Variants in PCLO observed in about 807,000 individuals in gnomAD.
PCLO encodes protein piccolo.
PCLO carries 82 observed loss-of-function variants against 427.5 expected under a neutral mutation model. The observed-to-expected ratio is 0.19, with a 90% CI of 0.16 to 0.23. The LOEUF (loss-of-function observed/expected upper bound fraction) is 0.23. PCLO is among the 10% of genes least tolerant of loss of function. The pLI is 1.00. For missense variants in PCLO, 6,239 were observed against 6,115.9 expected (o/e 1.02, Z -0.67); for synonymous variants, 2,357 against 2,155.4 (o/e 1.09, Z -2.59).
intron 3 of PCLO, among the ~76,000 whole-genome samples, chr7:83,054,727 T>C (rs1789336460): frequency 6.6e-6 from 1 of 152,012 alleles, no homozygotes; most frequent in East Asian, 1.9e-4. Context: ...ATGAGTACAA[T>C]TTTAATACAA....
chr7:82,846,453 T>G, intron 12 of PCLO, 114 bp downstream of exon 12: 1 of 655,196 alleles, frequency 1.5e-6, no homozygotes, highest in Non-Finnish European at 2.6e-6. Flanking sequence ...TAACTTTATA[T>G]TTGTCTATAT....
intron 17 of PCLO, 76 bp downstream of exon 17, chr7:82,827,797 C>T: frequency 3.7e-6 from 3 of 812,668 alleles, no homozygotes; most frequent in Non-Finnish European, 3.9e-6. Flanking sequence ...TATACAGATC[C>T]CAATTTTTGA....
intron 3 of PCLO, among the ~76,000 whole-genome samples, chr7:83,031,704 G>T (rs997358394): frequency 6.7e-6 from 1 of 148,976 alleles, no homozygotes; most frequent in Non-Finnish European, 1.5e-5. Context: ...ATTAAGAAAT[G>T]AGTCTTAATC....
At chr7:83,018,996 A>T (rs1270216851) in intron 3 of PCLO, among the ~76,000 whole-genome samples, 1 of 152,052 alleles carries the variant, frequency 6.6e-6, no homozygotes, top group Non-Finnish European at 1.5e-5. Flanking sequence ...ATAATGAAAG[A>T]TGCATACTGG....
chr7:82,950,667 C>T lies in PCLO; in HGVS notation c.9921G>A (p.Leu3307=), dbSNP rs949955138. 3.7e-6 allele frequency: 6 copies of T among 1,613,674 alleles called. No homozygotes were observed. In the African/African-American group the frequency reaches 8.0e-5, roughly 22 times the overall value. The stretch of plus-strand genomic sequence containing the variant: ...AGATCTGCCGAATCTTTTGCTCCTC[C>T]AGCTGCTGGTGAAGCTGTTGTTGCA... ...QQLQQQLHQQ[L]EEQKIRQIYQ... The change falls in exon 6 of 25, where the codon CTG becomes CTA. Residue 3307 remains leucine (L), a synonymous_variant. Coordinates refer to ENST00000333891, the MANE Select transcript of PCLO (RefSeq NM_033026.6).
chr7:82,908,781 A>C, intron 8 of PCLO, 96 bp downstream of exon 8: 1 of 1,061,064 alleles, frequency 9.4e-7, no homozygotes, highest in Non-Finnish European at 1.4e-6. Context: ...TTAATAAACA[A>C]ACATCTCATT....
intron 3 of PCLO, among the ~76,000 whole-genome samples, chr7:83,120,432 G>A (rs541068627): frequency 4.1e-4 from 60 of 144,786 alleles, no homozygotes; most frequent in Middle Eastern, 3.6e-3. Flanking sequence ...GTTTATTCAA[G>A]GAAATAATAG....
chr7:82,955,591 C>T lies in PCLO; in HGVS notation c.5362G>A (p.Glu1788Lys), dbSNP rs555072304. ...ELREEEELLK[E>K]QEKQREIEQQ... is the part of the protein sequence containing the mutation. ...TCTATTTCCCTCTGCTTTTCTTGCTCCTTTAATAATTCTTCTTCCTCTCTC... is the reference window on the plus strand; with the variant it reads ...TCTATTTCCCTCTGCTTTTCTTGCTTCTTTAATAATTCTTCTTCCTCTCTC... Residue 1788 changes from glutamate (E) to lysine (K), a missense_variant, in exon 5 of 25, where the codon GAG (glutamate) becomes AAG (lysine). This residue lies in a region of PCLO where 4,677 missense variants were observed against 4,468.4 expected (regional missense o/e 1.05). Coordinates refer to ENST00000333891, the MANE Select transcript of PCLO (RefSeq NM_033026.6). 3 of 1,613,916 alleles carry T rather than the reference C, an allele frequency of 1.9e-6. No individual in the cohort carries two copies. The African/African-American group carries it at 4.0e-5, about 22-fold the overall frequency.
chr7:82,765,559 G>C (rs1196895700), intron 22 of PCLO, among the ~76,000 whole-genome samples: 1 of 151,946 alleles, frequency 6.6e-6, no homozygotes, highest in Non-Finnish European at 1.5e-5. Context: ...AATGACATGT[G>C]TTCTCTTAAC....
Position 82,758,583 on chromosome 7 carries a change from T to G in PCLO, c.15421A>C (p.Thr5141Pro), listed in dbSNP as rs1195712788. The change falls in exon 25 of 25, where the codon ACG becomes CCG. Residue 5141 changes from threonine (T) to proline (P), a missense_variant. By Grantham distance (38) the Thr-to-Pro change is conservative. Coordinates refer to ENST00000333891, the MANE Select transcript of PCLO (RefSeq NM_033026.6). ...TGAGAAGACATGTTTCTTCAATGCG[T>G]TTGAGTAGGACTGACCAAAAGTTTG... ...WHKLLVSPTQ[T>P]H The G allele has an allele frequency of 6.2e-7, 1 of 1,607,482 alleles. No individual in the cohort carries two copies.
chr7:83,112,070 T>C (rs71522646), intron 3 of PCLO, among the ~76,000 whole-genome samples: 9,146 of 152,252 alleles, frequency 0.06, 300 homozygotes, highest in South Asian at 0.11. Flanking sequence ...GTTTGTTTTG[T>C]TTTTGAGACA....
intron 10 of PCLO, among the ~76,000 whole-genome samples, chr7:82,873,852 CT>C (rs1437789059): frequency 6.6e-6 from 1 of 151,978 alleles, no homozygotes; most frequent in African/African-American, 2.4e-5. Context: ...CAACCCTGTC[CT>C]CCCATCCCAG....
chr7:83,151,963 C>T (rs561980421), intron 2 of PCLO, among the ~76,000 whole-genome samples: 1 of 144,270 alleles, frequency 6.9e-6, no homozygotes, highest in East Asian at 2.0e-4. Flanking sequence ...TACAAACTTA[C>T]TTTTTTTTTT....
chr7:82,794,671 G>A (rs1455925826), intron 22 of PCLO, among the ~76,000 whole-genome samples: 1 of 150,794 alleles, frequency 6.6e-6, no homozygotes, highest in Non-Finnish European at 1.5e-5. Context: ...CGGGGTTTAT[G>A]CCATGTTGCC....
intron 10 of PCLO, among the ~76,000 whole-genome samples, chr7:82,865,699 AAATG>A (rs1698646875): frequency 7.4e-6 from 1 of 134,418 alleles, no homozygotes; most frequent in South Asian, 2.5e-4. Context: ...AATACCTAAT[AAATG>A]AATGAACATA....
intron 10 of PCLO, among the ~76,000 whole-genome samples, chr7:82,860,270 G>A (rs1184636134): frequency 1.3e-5 from 2 of 151,472 alleles, no homozygotes; most frequent in Non-Finnish European, 2.9e-5. Context: ...CTACCTAAAG[G>A]CATTTAATAA....
At chr7:82,776,973 T>C (rs1790768077) in intron 22 of PCLO, among the ~76,000 whole-genome samples, 1 of 152,064 alleles carries the variant, frequency 6.6e-6, no homozygotes, top group Admixed American at 6.6e-5. Flanking sequence ...TCTCCAGTTC[T>C]GTTAGTTGTG....
intron 3 of PCLO, among the ~76,000 whole-genome samples, chr7:83,118,116 A>T (rs549366993): frequency 6.6e-6 from 1 of 152,336 alleles, no homozygotes; most frequent in African/African-American, 2.4e-5. Flanking sequence ...CATTTCGAAT[A>T]CATAAAATTA....
chr7:83,086,234 T>C (rs13239376), intron 3 of PCLO, among the ~76,000 whole-genome samples: 74,179 of 151,740 alleles, frequency 0.49, 18,268 homozygotes, highest in African/African-American at 0.51. Context: ...CCTCAGCCTC[T>C]CAAGTAGCTG....
Sources: gnomAD v4.1 joint callset for allele counts (sites outside exome capture counted in the v4.1 genomes callset) on GRCh38, gnomAD v4.1.1 for gene constraint, gnomAD v4.1.1 regional missense constraint, MANE v1.5 for transcripts, NCBI Gene and HGNC (gene_info 2026-07-23, HGNC 2026-07-21) for gene names.